The following IFT56 variants were observed in gnomAD, a reference collection of about 807,000 sequenced individuals.
IFT56 encodes the protein intraflagellar transport 56, also known as intraflagellar transport protein 56.
the IFT56 span, chr7:139,142,245 T>A: frequency 6.2e-7 from 1 of 1,614,048 alleles, no homozygotes; most frequent in Non-Finnish European, 8.5e-7. Flanking sequence ...CAGCTTGGAT[T>A]TTTTTTTCAG....
chr7:139,139,428 G>C, the IFT56 span, among the ~76,000 whole-genome samples: 1 of 152,050 alleles, frequency 6.6e-6, no homozygotes, highest in Non-Finnish European at 1.5e-5. Flanking sequence ...AGTGTCCTTG[G>C]CAGGAAAAAC....
At chr7:139,176,257 C>T in the IFT56 span, among the ~76,000 whole-genome samples, 20,259 of 151,558 alleles carry the variant, frequency 0.13, 2,620 homozygotes, top group African/African-American at 0.29. Context: ...TGATGCATAC[C>T]CCATTTACCC....
chr7:139,159,708 T>G, the IFT56 span, among the ~76,000 whole-genome samples: 1 of 152,212 alleles, frequency 6.6e-6, no homozygotes, highest in East Asian at 1.9e-4. Flanking sequence ...ACAATAACAT[T>G]GTTCTCACTA....
At chr7:139,157,770 C>T in the IFT56 span, among the ~76,000 whole-genome samples, 1 of 152,064 alleles carries the variant, frequency 6.6e-6, no homozygotes, top group Non-Finnish European at 1.5e-5. Flanking sequence ...CTTCCCAAAA[C>T]AGTGAGATTA....
At chr7:139,154,973 C>CTTTTTTTTTT in the IFT56 span, among the ~76,000 whole-genome samples, 6 of 151,888 alleles carry the variant, frequency 4.0e-5, no homozygotes, top group African/African-American at 1.5e-4. Flanking sequence ...AATGTTTTTC[C>CTTTTTTTTTT]ATTTATTTAG....
At chr7:139,187,166 T>C in the IFT56 span, among the ~76,000 whole-genome samples, 3 of 151,722 alleles carry the variant, frequency 2.0e-5, no homozygotes, top group Non-Finnish European at 1.5e-5. Context: ...GAAAAAATGT[T>C]ATACTGTTGA....
the IFT56 span, among the ~76,000 whole-genome samples, chr7:139,137,403 G>A: frequency 2.0e-5 from 3 of 152,306 alleles, no homozygotes; most frequent in Admixed American, 6.5e-5. Flanking sequence ...GGACTCAAGT[G>A]GGAAGTTAAA....
chr7:139,183,998 C>G, the IFT56 span, among the ~76,000 whole-genome samples: 8 of 152,298 alleles, frequency 5.3e-5, no homozygotes, highest in African/African-American at 1.9e-4. Context: ...CTGCTGACAG[C>G]TTTTAAGCCT....
At chr7:139,136,821 C>T in the IFT56 span, among the ~76,000 whole-genome samples, 1 of 152,160 alleles carries the variant, frequency 6.6e-6, no homozygotes, top group Non-Finnish European at 1.5e-5. Flanking sequence ...TTGGAGTACC[C>T]TGCTGCATGG....
chr7:139,147,061 T>TA, the IFT56 span: 3 of 1,585,802 alleles, frequency 1.9e-6, no homozygotes, highest in Non-Finnish European at 2.6e-6. Context: ...AAGGAAGAGT[T>TA]AAAATCTCTA....
chr7:139,170,404 A>G, the IFT56 span, among the ~76,000 whole-genome samples: 1 of 152,240 alleles, frequency 6.6e-6, no homozygotes, highest in African/African-American at 2.4e-5. Context: ...CACATCAAAA[A>G]AAGAAAACTA....
At chr7:139,177,308 C>T in the IFT56 span, among the ~76,000 whole-genome samples, 2 of 150,728 alleles carry the variant, frequency 1.3e-5, no homozygotes, top group Non-Finnish European at 2.9e-5. Context: ...AACTTTTTGC[C>T]TGATATCAGA....
the IFT56 span, among the ~76,000 whole-genome samples, chr7:139,158,181 G>A: frequency 6.6e-6 from 1 of 151,916 alleles, no homozygotes; most frequent in African/African-American, 2.4e-5. Flanking sequence ...AGGCATGGTG[G>A]CATGCACCTG....
At chr7:139,189,383 T>C in the IFT56 span, 17 of 1,613,582 alleles carry the variant, frequency 1.1e-5, no homozygotes, top group Non-Finnish European at 1.4e-5. Context: ...GTAGAATACA[T>C]GATCCGGATC....
At chr7:139,188,689 C>T in the IFT56 span, among the ~76,000 whole-genome samples, 3 of 152,044 alleles carry the variant, frequency 2.0e-5, no homozygotes, top group African/African-American at 7.2e-5. Context: ...TTTGCTAGGG[C>T]AATAAGGAAA....
At chr7:139,133,792 G>A in the IFT56 span, 1 of 1,611,148 alleles carries the variant, frequency 6.2e-7, no homozygotes, top group Non-Finnish European at 8.5e-7. Context: ...CGTGCTGTGT[G>A]GATGCGGCGA....
chr7:139,165,512 T>G, the IFT56 span, among the ~76,000 whole-genome samples: 5 of 152,270 alleles, frequency 3.3e-5, no homozygotes, highest in African/African-American at 1.2e-4. Context: ...TTCATTGTTT[T>G]TCCTCCCCTT....
the IFT56 span, among the ~76,000 whole-genome samples, chr7:139,168,748 T>C: frequency 6.6e-6 from 1 of 152,154 alleles, no homozygotes; most frequent in Admixed American, 6.5e-5. Flanking sequence ...TTGGCATCTG[T>C]AAAGTAGGGA....
At chr7:139,170,362 A>C in the IFT56 span, among the ~76,000 whole-genome samples, 1 of 152,210 alleles carries the variant, frequency 6.6e-6, no homozygotes, top group African/African-American at 2.4e-5. Context: ...CATTCTTCAA[A>C]ACCAGTATTG....
Sources: allele counts gnomAD v4.1 joint callset (sites outside exome capture counted in the v4.1 genomes callset), GRCh38; gene constraint gnomAD v4.1.1; transcripts MANE v1.5; gene names NCBI Gene and HGNC (gene_info 2026-07-23, HGNC 2026-07-21).